ATP8A2: variants seen among roughly 807,000 people sequenced by gnomAD.
The protein encoded by ATP8A2 is phospholipid-transporting ATPase IB.
In ATP8A2, 100 loss-of-function variants were observed where a neutral mutation model predicts 165.6. The observed-to-expected ratio is 0.60, with a 90% confidence interval of 0.51 to 0.71. The LOEUF is 0.71. ATP8A2 is among the 30% of genes least tolerant of loss of function. ATP8A2 has a pLI of 0.00. For synonymous variants in ATP8A2, 543 were observed against 548.8 expected, an observed-to-expected ratio of 0.99 and a Z score of 0.15; for missense variants, 1,227 against 1,479.5, an observed-to-expected ratio of 0.83 and a Z score of 2.80.
intron 1 of ATP8A2, among the ~76,000 whole-genome samples, chr13:25,424,342 T>G (rs923468532): frequency 6.6e-6 from 1 of 152,236 alleles, no homozygotes; most frequent in East Asian, 1.9e-4. Flanking sequence ...TTCTAACACA[T>G]GGCAGTGTTG....
At chr13:25,968,804 A>G (rs1301553536) in intron 35 of ATP8A2, 125 bp downstream of exon 35, 2 of 725,676 alleles carry the variant, frequency 2.8e-6, no homozygotes, top group African/African-American at 3.6e-5. Context: ...AGGCTTAAGA[A>G]TTTTGGTTAT....
At chr13:25,406,190 A>C (rs2033796906) in intron 1 of ATP8A2, among the ~76,000 whole-genome samples, 1 of 152,216 alleles carries the variant, frequency 6.6e-6, no homozygotes, top group African/African-American at 2.4e-5. Context: ...GAAACATTTA[A>C]CAGGGACTTA....
intron 2 of ATP8A2, among the ~76,000 whole-genome samples, chr13:25,515,916 T>G (rs2037453038): frequency 6.6e-6 from 1 of 152,230 alleles, no homozygotes; most frequent in Non-Finnish European, 1.5e-5. Context: ...ACTTTGGTTT[T>G]GTGCACTTTG....
At chr13:25,568,650 T>TG (rs2039384420) in intron 16 of ATP8A2, among the ~76,000 whole-genome samples, 1 of 152,154 alleles carries the variant, frequency 6.6e-6, no homozygotes, top group South Asian at 2.1e-4. Context: ...ATAGAGTTTC[T>TG]GCTGGGGAAG....
intron 27 of ATP8A2, among the ~76,000 whole-genome samples, chr13:25,809,397 C>T (rs1467845357): frequency 6.6e-6 from 1 of 152,154 alleles, no homozygotes; most frequent in Non-Finnish European, 1.5e-5. Flanking sequence ...TTTGCCCTTT[C>T]AAACTTAACA....
At chr13:25,791,892 A>G (rs2045189272) in intron 27 of ATP8A2, among the ~76,000 whole-genome samples, 1 of 152,188 alleles carries the variant, frequency 6.6e-6, no homozygotes, top group Non-Finnish European at 1.5e-5. Flanking sequence ...TAAATTTCGT[A>G]TATGCTCACC....
chr13:25,648,016 C>T (rs558646837), intron 24 of ATP8A2, among the ~76,000 whole-genome samples: 1 of 152,112 alleles, frequency 6.6e-6, no homozygotes, highest in Non-Finnish European at 1.5e-5. Context: ...TGCTTTCTGG[C>T]CCTTTTTCTC....
intron 33 of ATP8A2, among the ~76,000 whole-genome samples, chr13:25,948,442 T>C (rs1955267091): frequency 6.6e-6 from 1 of 152,190 alleles, no homozygotes; most frequent in Non-Finnish European, 1.5e-5. Flanking sequence ...AGGTATATTT[T>C]CCTCATTTTA....
chr13:25,818,465 G>A (rs1286933775), intron 27 of ATP8A2, among the ~76,000 whole-genome samples: 1 of 152,276 alleles, frequency 6.6e-6, no homozygotes, highest in Admixed American at 6.5e-5. Flanking sequence ...GCTAGTCGCT[G>A]CAGTCTACTA....
In ATP8A2 at chr13:25,849,858, C is replaced by T. The variant is rs368944915; in HGVS notation, c.2956+10234C>T. Among the ~76,000 whole-genome samples the T allele has an allele frequency of 4.1e-4, 62 of 152,314 alleles. 1 individual carries two copies. In the East Asian group the frequency reaches 0.011, roughly 28 times the overall value. On this transcript the variant is annotated intron_variant, in intron 30 of 36. Transcript: ENST00000381655. ...TAAGAGAGCATCTGGGACTGTGTTT[C>T]TGTCTCTCTCATTTTATGACACTTT... is the stretch of plus-strand genomic sequence containing the variant.
At chr13:25,497,232 G>A (rs1340195543) in intron 2 of ATP8A2, among the ~76,000 whole-genome samples, 4 of 152,176 alleles carry the variant, frequency 2.6e-5, no homozygotes, top group South Asian at 2.1e-4. Context: ...GATTAAAGTC[G>A]TGAAAGGAGC....
At chr13:25,815,176 A>G (rs1405461843) in intron 27 of ATP8A2, among the ~76,000 whole-genome samples, 4 of 152,152 alleles carry the variant, frequency 2.6e-5, no homozygotes, top group African/African-American at 7.2e-5. Flanking sequence ...AATATAGGCA[A>G]CAACACCAAA....
Position 25,672,831 on chromosome 13 carries a change from T to C in ATP8A2, c.2212-26342T>C, listed in dbSNP as rs76169497. On this transcript the variant is annotated intron_variant, in intron 24 of 36. Coordinates refer to ENST00000381655, the MANE Select transcript of ATP8A2 (RefSeq NM_016529.6). Reference sequence around the variant, plus strand: ...GATAGCTATTAAAACATTTTAAGACTGTGAACATGCTTATTTGAGACCGGA... The same window carrying C: ...GATAGCTATTAAAACATTTTAAGACCGTGAACATGCTTATTTGAGACCGGA... Among the ~76,000 whole-genome samples, 1,213 of 152,286 alleles carry C rather than the reference T, an allele frequency of 8.0e-3. 12 individuals are homozygous for C. Among genetic ancestry groups the C allele is most frequent in the African/African-American group, 0.027 (1,132 of 41,564 alleles).
intron 25 of ATP8A2, among the ~76,000 whole-genome samples, chr13:25,701,857 G>A (rs2137927304): frequency 6.6e-6 from 1 of 151,882 alleles, no homozygotes; most frequent in Middle Eastern, 3.4e-3. Context: ...AGTTCAAACT[G>A]GAATTGGCAC....
chr13:25,670,558 A>AT (rs1458300799), intron 24 of ATP8A2, among the ~76,000 whole-genome samples: 1 of 152,158 alleles, frequency 6.6e-6, no homozygotes, highest in Admixed American at 6.5e-5. Flanking sequence ...ATGGTTTCCC[A>AT]TTTTCAGAAG....
At chr13:25,818,248 G>T (rs1951077996) in intron 27 of ATP8A2, among the ~76,000 whole-genome samples, 1 of 152,058 alleles carries the variant, frequency 6.6e-6, no homozygotes, top group South Asian at 2.1e-4. Context: ...ATCTTAAAAG[G>T]ATCCCTTGGC....
rs148251658 is a variant in ATP8A2 at position 25,940,764 on chromosome 13, T to C, written c.3184-20811T>C. On this transcript the variant is annotated intron_variant, in intron 33 of 36. Transcript: ENST00000381655. ...GCAGGCGGCCCTCCCCACAGAGGAC[T>C]AGCCTGGCCTCTGAGAGAGGCTGAG... Among the ~76,000 whole-genome samples, 192 of 152,332 alleles carry C rather than the reference T, an allele frequency of 1.3e-3. 1 individual carries two copies. The highest frequency in any genetic ancestry group is 3.5e-3 in the Admixed American group (54 of 15,302).
At chr13:25,471,751 G>C (rs983031952) in intron 2 of ATP8A2, among the ~76,000 whole-genome samples, 1 of 152,232 alleles carries the variant, frequency 6.6e-6, no homozygotes, top group Non-Finnish European at 1.5e-5. Context: ...GAGGGATTCC[G>C]AGTAGCTGTC....
chr13:25,767,094 T>A (rs1301120864), intron 25 of ATP8A2, among the ~76,000 whole-genome samples: 3 of 152,234 alleles, frequency 2.0e-5, no homozygotes, highest in African/African-American at 7.2e-5. Context: ...CTATATTTGA[T>A]CTGTGGTTCT....
Sources: allele counts gnomAD v4.1 joint callset (sites outside exome capture counted in the v4.1 genomes callset), GRCh38; gene constraint gnomAD v4.1.1; transcripts MANE v1.5; gene names NCBI Gene and HGNC (gene_info 2026-07-23, HGNC 2026-07-21).